The following SPAST variants were observed in gnomAD, a reference collection of about 807,000 sequenced individuals.
SPAST encodes spastin.
Under a neutral mutation model 76.6 loss-of-function variants are expected in SPAST, and 30 were observed. The ratio of observed to expected loss-of-function variants is 0.39; its 90% CI spans 0.29 to 0.53. The LOEUF is 0.53. Among genes scored for constraint, SPAST ranks in the 20% least tolerant of loss-of-function variants. The pLI is 0.68. For missense variants in SPAST, 717 were observed against 770.5 expected, an observed-to-expected ratio of 0.93 and a Z score of 0.82; for synonymous variants, 305 against 281.0, an observed-to-expected ratio of 1.09 and a Z score of -0.86.
chr2:32,121,499 T>G lies in SPAST; in HGVS notation c.1098+5287T>G, dbSNP rs1679017628. Among the ~76,000 whole-genome samples the G allele has an allele frequency of 2.0e-5, 3 of 151,094 alleles. No homozygotes were observed. In the South Asian group the frequency reaches 6.3e-4, roughly 31 times the overall value. ...TTCTGAGAAAGGTTCTATAATTCTTTAATTTAAAAAAAGTTTTTTTGTTTC... is the reference window on the plus strand; with the variant it reads ...TTCTGAGAAAGGTTCTATAATTCTTGAATTTAAAAAAAGTTTTTTTGTTTC... On this transcript the variant is annotated intron_variant, in intron 7 of 16. Coordinates refer to ENST00000315285, the MANE Select transcript of SPAST (RefSeq NM_014946.4).
chr2:32,114,530 T>G (rs560319865), intron 4 of SPAST, 108 bp from the exon 5 acceptor site: 1 of 847,204 alleles, frequency 1.2e-6, no homozygotes, highest in Non-Finnish European at 1.9e-6. Context: ...TTTTGAAATA[T>G]TTTTGAATTA....
rs1422328231 is a variant in SPAST, at chr2:32,115,761, G to A, written c.930G>A (p.Lys310=). The A allele has an allele frequency of 6.2e-7, 1 of 1,611,526 alleles. No homozygotes were observed. The highest frequency in any genetic ancestry group is 8.5e-7 in the Non-Finnish European group (1 of 1,178,062). The change falls in exon 6 of 17, where the codon AAG becomes AAA. Residue 310 remains lysine, a synonymous_variant. Coordinates refer to ENST00000315285, the MANE Select transcript of SPAST (RefSeq NM_014946.4). ...CTACCCCTACAACTGCTACTCGTAAGAAAAAAGACTTGAAGAATTTTAGGA... is the reference window on the plus strand; with the variant it reads ...CTACCCCTACAACTGCTACTCGTAAAAAAAAAGACTTGAAGAATTTTAGGA... ...KPSTPTTATR[K]KKDLKNFRNV...
intron 4 of SPAST, among the ~76,000 whole-genome samples, chr2:32,110,217 C>G (rs1471100563): frequency 6.8e-6 from 1 of 147,598 alleles, no homozygotes; most frequent in Non-Finnish European, 1.5e-5. Context: ...TTCCCAGGTT[C>G]AAGCAATTCT....
intron 4 of SPAST, among the ~76,000 whole-genome samples, chr2:32,106,047 A>G (rs907439953): frequency 2.6e-5 from 4 of 152,058 alleles, no homozygotes; most frequent in African/African-American, 7.2e-5. Flanking sequence ...CAGCTATCCC[A>G]TGTCCCCAGA....
intron 1 of SPAST, among the ~76,000 whole-genome samples, chr2:32,080,641 C>T (rs1203108623): frequency 1.3e-5 from 2 of 152,012 alleles, no homozygotes; most frequent in Admixed American, 6.6e-5. Context: ...CACTGGAGAC[C>T]ATTGGAAGAT....
chr2:32,112,939 T>C (rs1446811373), intron 4 of SPAST, among the ~76,000 whole-genome samples: 1 of 152,058 alleles, frequency 6.6e-6, no homozygotes, highest in Non-Finnish European at 1.5e-5. Flanking sequence ...TGTAAAAATA[T>C]TATTTAGGAG....
At chr2:32,091,901 C>A (rs1039346233) in intron 3 of SPAST, among the ~76,000 whole-genome samples, 23 of 151,840 alleles carry the variant, frequency 1.5e-4, no homozygotes, top group African/African-American at 5.3e-4. Flanking sequence ...GCATGAGCCA[C>A]CACGCCCAGC....
chr2:32,073,081 TTTG>T (rs34899667), intron 1 of SPAST, among the ~76,000 whole-genome samples: 1 of 151,832 alleles, frequency 6.6e-6, no homozygotes, highest in Non-Finnish European at 1.5e-5. Context: ...TTTTAGCTGG[TTTG>T]TTGTTGTATT....
intron 4 of SPAST, among the ~76,000 whole-genome samples, chr2:32,103,391 G>C (rs1213068853): frequency 6.6e-6 from 1 of 151,872 alleles, no homozygotes; most frequent in African/African-American, 2.4e-5. Context: ...CAGTCTATCA[G>C]TTTTGTTGAT....
rs1678810138 is a variant in SPAST, at chr2:32,115,809, C to A, written c.978C>A (p.Asn326Lys). 1 of 1,609,932 alleles carries A rather than the reference C, an allele frequency of 6.2e-7. No individual in the cohort carries two copies. Among genetic ancestry groups the A allele is most frequent in the South Asian group, 1.1e-5 (1 of 90,268 alleles). Reference protein sequence around the residue: ...NFRNVDSNLANLIMNEIVDNG... With the variant: ...NFRNVDSNLAKLIMNEIVDNG... ...GGAATGTGGACAGCAACCTTGCTAA[C>A]CTTATAATGAATGAAATTGTGGACA... The change falls in exon 6 of 17, where the codon AAC becomes AAA. Residue 326 changes from asparagine to lysine, a missense_variant. This residue lies in a region of SPAST where 543 missense variants were observed against 445.2 expected (regional missense o/e 1.22). Coordinates refer to ENST00000315285, the MANE Select transcript of SPAST (RefSeq NM_014946.4).
intron 9 of SPAST, chr2:32,128,786 G>A: frequency 2.7e-6 from 1 of 376,014 alleles, no homozygotes; most frequent in Non-Finnish European, 5.0e-6. Context: ...TGTTGGCAGG[G>A]TTGCTTCCTC....
In SPAST at chr2:32,128,631, G is replaced by T. The variant is rs570893739; in HGVS notation, c.1245+152G>T. 10 of 659,736 alleles carry T rather than the reference G, an allele frequency of 1.5e-5. No individual in the cohort carries two copies. The South Asian group carries it at 1.7e-4, about 11-fold the overall frequency. 40.9% of individuals were successfully genotyped at this position (659,736 alleles called of 1,614,324 possible). On this transcript the variant is annotated intron_variant, in intron 9 of 16. Transcript: ENST00000315285. ...CATATGATGAATATCTATCTTCAGAGTAGAAAGTTATGTACATTTGTGTTG... is the reference window on the plus strand; with the variant it reads ...CATATGATGAATATCTATCTTCAGATTAGAAAGTTATGTACATTTGTGTTG...
chr2:32,146,595 G>A (rs754569752), intron 15 of SPAST, among the ~76,000 whole-genome samples: 1 of 145,716 alleles, frequency 6.9e-6, no homozygotes, highest in South Asian at 2.2e-4. Context: ...GGCCAGGCAC[G>A]GTGGCTCACG....
chr2:32,148,927 T>C (rs1679984265), intron 16 of SPAST, among the ~76,000 whole-genome samples: 1 of 151,064 alleles, frequency 6.6e-6, no homozygotes, highest in Non-Finnish European at 1.5e-5. Context: ...TGAGCCAAGA[T>C]TGCCCCATTG....
At chr2:32,095,350 G>A (rs954153037) in intron 3 of SPAST, among the ~76,000 whole-genome samples, 2 of 152,152 alleles carry the variant, frequency 1.3e-5, no homozygotes, top group Admixed American at 6.6e-5. Flanking sequence ...AAGCTTTCTT[G>A]TGTGACAAAG....
intron 7 of SPAST, among the ~76,000 whole-genome samples, chr2:32,123,135 G>T (rs200092526): frequency 6.6e-6 from 1 of 152,012 alleles, no homozygotes; most frequent in Non-Finnish European, 1.5e-5. Context: ...GGTGGCGGGT[G>T]CCTGTAATCT....
At chr2:32,092,991 A>G (rs1224549375) in intron 3 of SPAST, among the ~76,000 whole-genome samples, 3 of 133,086 alleles carry the variant, frequency 2.3e-5, no homozygotes. Context: ...TGGGTGACAG[A>G]GAGAGACTCC....
chr2:32,137,937 G>T (rs1287812235), intron 12 of SPAST, among the ~76,000 whole-genome samples: 1 of 152,042 alleles, frequency 6.6e-6, no homozygotes, highest in African/African-American at 2.4e-5. Context: ...ACATTAATTG[G>T]CGTAGTATTA....
At chr2:32,079,425 C>G (rs759327227) in intron 1 of SPAST, among the ~76,000 whole-genome samples, 2 of 151,208 alleles carry the variant, frequency 1.3e-5, no homozygotes, top group African/African-American at 2.4e-5. Flanking sequence ...GTGGGAGAAT[C>G]GCTTAAGCCT....
Sources: allele counts gnomAD v4.1 joint callset (sites outside exome capture counted in the v4.1 genomes callset), GRCh38; gene constraint gnomAD v4.1.1; regional missense constraint gnomAD v4.1.1; transcripts MANE v1.5; gene names NCBI Gene and HGNC (gene_info 2026-07-23, HGNC 2026-07-21).